The following VPS50 variants were observed in gnomAD, a reference collection of about 807,000 sequenced individuals.
VPS50 encodes the protein syndetin.
Under a neutral mutation model 139.7 loss-of-function variants are expected in VPS50, and 70 were observed. The observed-to-expected ratio is 0.50, with a 90% CI of 0.41 to 0.61. The LOEUF (loss-of-function observed/expected upper bound fraction) is 0.61. Among genes scored for constraint, VPS50 ranks in the 20% least tolerant of loss-of-function variants. The probability of loss-of-function intolerance (pLI) is 0.00; values close to 1 mark genes in which losing one functional copy is unlikely to be tolerated. For missense variants in VPS50, 921 were observed against 1,133.7 expected, an observed-to-expected ratio of 0.81 and a Z score of 2.69; for synonymous variants, 365 against 376.7, an observed-to-expected ratio of 0.97 and a Z score of 0.36.
At chr7:93,330,250 A>G (rs1411677182) in intron 21 of VPS50, among the ~76,000 whole-genome samples, 1 of 152,170 alleles carries the variant, frequency 6.6e-6, no homozygotes, top group African/African-American at 2.4e-5. Flanking sequence ...TTTAGCCAAC[A>G]GGAATATTAA....
intron 12 of VPS50, among the ~76,000 whole-genome samples, chr7:93,282,749 G>A (rs1226892267): frequency 6.6e-6 from 1 of 152,190 alleles, no homozygotes; most frequent in Non-Finnish European, 1.5e-5. Flanking sequence ...TAGGTGAGTA[G>A]ACCTTTCTTG....
chr7:93,352,963 CT>C (rs1798600542), intron 25 of VPS50, among the ~76,000 whole-genome samples: 1 of 152,106 alleles, frequency 6.6e-6, no homozygotes, highest in Non-Finnish European at 1.5e-5. Flanking sequence ...GAATCTAAAA[CT>C]TCTTGAGTGC....
Position 93,294,532 on chromosome 7 carries a change from C to A in VPS50, c.1076-13C>A, listed in dbSNP as rs769520439. 3 of 1,502,218 alleles carry A rather than the reference C, an allele frequency of 2.0e-6. No homozygotes were observed. In the South Asian group the frequency reaches 4.1e-5, roughly 20 times the overall value. 93.1% of individuals were successfully genotyped at this position (1,502,218 alleles called of 1,614,324 possible). ...GATTAAATCTAAAAATATATATTGT[C>A]TTTTATTTTCAGAAGGGAGTAATAT... is the stretch of plus-strand genomic sequence containing the variant. On this transcript the variant is annotated splice_polypyrimidine_tract_variant and intron_variant, in intron 13 of 27. Coordinates refer to ENST00000305866, the MANE Select transcript of VPS50 (RefSeq NM_017667.4).
chr7:93,334,378 C>A (rs924700781), intron 22 of VPS50, among the ~76,000 whole-genome samples, 181 bp downstream of exon 22: 2 of 151,926 alleles, frequency 1.3e-5, no homozygotes, highest in Admixed American at 6.6e-5. Flanking sequence ...AACTAGTATA[C>A]ATAAAAGAAT....
chr7:93,298,651 A>G (rs1796882775), intron 16 of VPS50, among the ~76,000 whole-genome samples: 1 of 152,224 alleles, frequency 6.6e-6, no homozygotes, highest in African/African-American at 2.4e-5. Flanking sequence ...GGTGTCTGTC[A>G]TCTGTAGCAA....
At chr7:93,289,266 A>G (rs141016286) in intron 12 of VPS50, among the ~76,000 whole-genome samples, 82 of 152,256 alleles carry the variant, frequency 5.4e-4, no homozygotes, top group African/African-American at 1.9e-3. Flanking sequence ...TCCTATTACA[A>G]GTAAAACTAC....
intron 23 of VPS50, among the ~76,000 whole-genome samples, chr7:93,342,998 G>A (rs1468359551): frequency 6.6e-6 from 1 of 152,226 alleles, no homozygotes; most frequent in Non-Finnish European, 1.5e-5. Flanking sequence ...ACTTTGACGA[G>A]CTGAGAGAAG....
intron 5 of VPS50, 28 bp from the exon 6 acceptor site, chr7:93,257,366 C>T (rs1014222888): frequency 2.9e-6 from 4 of 1,376,226 alleles, no homozygotes; most frequent in South Asian, 1.2e-5. Context: ...ATACCTCCAA[C>T]AATAACCTGT....
At chr7:93,358,120 A>G (rs1177664937) in intron 27 of VPS50, among the ~76,000 whole-genome samples, 197 bp from the exon 28 acceptor site, 3 of 152,128 alleles carry the variant, frequency 2.0e-5, no homozygotes, top group African/African-American at 7.2e-5. Context: ...TGTGTACTAT[A>G]GTATTCTTAT....
intron 9 of VPS50, among the ~76,000 whole-genome samples, chr7:93,267,991 A>C (rs1196545379): frequency 6.6e-6 from 1 of 152,130 alleles, no homozygotes; most frequent in South Asian, 2.1e-4. Flanking sequence ...ATGTGGTTTT[A>C]TTTTTGCTTT....
intron 23 of VPS50, among the ~76,000 whole-genome samples, chr7:93,346,072 C>T (rs981791959): frequency 3.9e-5 from 6 of 152,142 alleles, no homozygotes; most frequent in Admixed American, 2.6e-4. Flanking sequence ...TGTATATCTA[C>T]AAAACCCCAT....
chr7:93,291,580 T>C (rs966009294), intron 12 of VPS50, 123 bp from the exon 13 acceptor site: 2 of 522,336 alleles, frequency 3.8e-6, no homozygotes, highest in Admixed American at 7.7e-5. Context: ...TTTAGATATG[T>C]CAGTTGAAGA....
chr7:93,349,434 G>A (rs1798497286), intron 24 of VPS50, among the ~76,000 whole-genome samples: 1 of 152,146 alleles, frequency 6.6e-6, no homozygotes, highest in Admixed American at 6.5e-5. Context: ...TGAGTGGCAT[G>A]GTTGGGTTTG....
chr7:93,266,488 C>G (rs1307789567), intron 9 of VPS50, among the ~76,000 whole-genome samples: 1 of 152,184 alleles, frequency 6.6e-6, no homozygotes, highest in Non-Finnish European at 1.5e-5. Flanking sequence ...TTCTAGGACT[C>G]ATTCTTGTGA....
chr7:93,309,495 A>G (rs1797205618), intron 19 of VPS50, among the ~76,000 whole-genome samples: 1 of 151,962 alleles, frequency 6.6e-6, no homozygotes, highest in Non-Finnish European at 1.5e-5. Flanking sequence ...TATAAAATCA[A>G]TCCTGCCTTT....
chr7:93,309,967 AG>A (rs1307873557), intron 19 of VPS50, among the ~76,000 whole-genome samples: 1 of 152,020 alleles, frequency 6.6e-6, no homozygotes, highest in Admixed American at 6.6e-5. Flanking sequence ...TTCAAAAGTG[AG>A]CAATTCACGT....
At chr7:93,249,304 C>CAG (rs994697486) in intron 2 of VPS50, among the ~76,000 whole-genome samples, 16 of 149,278 alleles carry the variant, frequency 1.1e-4, no homozygotes, top group East Asian at 5.9e-4. Flanking sequence ...GAGAGAGACA[C>CAG]AGAGAGAGAG....
In VPS50 at chr7:93,259,642, T is replaced by C. The variant is rs1361129669; in HGVS notation, c.659+10T>C. The C allele has an allele frequency of 1.4e-6, 2 of 1,472,578 alleles. No homozygotes were observed. The highest frequency in any genetic ancestry group is 2.3e-5 in the South Asian group (2 of 86,524). The allele number at this position is 1,472,578 out of a possible 1,614,324, so 91.2% of individuals were successfully genotyped here. A position where few individuals can be genotyped will look rare whatever the true frequency, so the allele number is the denominator to read the frequency against. On this transcript the variant is annotated intron_variant, in intron 9 of 27. Coordinates refer to ENST00000305866, the MANE Select transcript of VPS50 (RefSeq NM_017667.4). ...ATTACAGTTGTATAAGGTAAGGTCATGTAAATGTTTTAAAGCAGATTCTGT... is the reference window on the plus strand; with the variant it reads ...ATTACAGTTGTATAAGGTAAGGTCACGTAAATGTTTTAAAGCAGATTCTGT...
At chr7:93,340,265 A>G (rs1798176200) in intron 22 of VPS50, among the ~76,000 whole-genome samples, 1 of 152,232 alleles carries the variant, frequency 6.6e-6, no homozygotes, top group African/African-American at 2.4e-5. Context: ...TGTTTGCTGT[A>G]CAAAGGGAAA....
Sources: gnomAD v4.1 joint callset for allele counts (sites outside exome capture counted in the v4.1 genomes callset) on GRCh38, gnomAD v4.1.1 for gene constraint, MANE v1.5 for transcripts, NCBI Gene and HGNC (gene_info 2026-07-23, HGNC 2026-07-21) for gene names.